RAD50: variants seen among roughly 807,000 people sequenced by gnomAD.
The protein encoded by RAD50 is RAD50 double strand break repair protein.
A neutral mutation model predicts 168.8 loss-of-function variants in RAD50; 132 were observed. The observed-to-expected ratio is 0.78, with a 90% CI of 0.68 to 0.90. The LOEUF (loss-of-function observed/expected upper bound fraction) is 0.90, where lower values mean the gene tolerates loss of function less well. Among genes scored for constraint, RAD50 ranks in the 40% least tolerant of loss-of-function variants. The pLI, the probability that RAD50 is intolerant of heterozygous loss-of-function variation, is 0.00. For synonymous variants in RAD50, 525 were observed against 497.4 expected, an observed-to-expected ratio of 1.06 and a Z score of -0.74; for missense variants, 1,347 against 1,534.4, an observed-to-expected ratio of 0.88 and a Z score of 2.04.
chr5:132,625,025 G>A (rs988204656), intron 21 of RAD50, among the ~76,000 whole-genome samples: 9 of 151,744 alleles, frequency 5.9e-5, no homozygotes, highest in African/African-American at 2.2e-4. Flanking sequence ...AAAAGCCTCA[G>A]AAGTCCATAA....
chr5:132,601,810 A>G (rs985639060), intron 13 of RAD50, among the ~76,000 whole-genome samples: 2 of 152,198 alleles, frequency 1.3e-5, no homozygotes, highest in African/African-American at 4.8e-5. Flanking sequence ...TAAAAGGATG[A>G]GTTCATGTCC....
intron 11 of RAD50, chr5:132,593,236 T>C (rs937333641): frequency 1.7e-5 from 3 of 176,552 alleles, no homozygotes; most frequent in Non-Finnish European, 2.5e-5. Context: ...TGATACTTGT[T>C]CTTGCTTCAG....
intron 9 of RAD50, among the ~76,000 whole-genome samples, chr5:132,590,448 TG>T (rs1317946758): frequency 6.6e-6 from 1 of 152,154 alleles, no homozygotes; most frequent in African/African-American, 2.4e-5. Context: ...CCAGCCTGGG[TG>T]ACAGAGTGGG....
intron 21 of RAD50, among the ~76,000 whole-genome samples, chr5:132,629,995 TCTA>T (rs1751434687): frequency 6.6e-6 from 1 of 152,154 alleles, no homozygotes; most frequent in African/African-American, 2.4e-5. Context: ...CCCAAAATGT[TCTA>T]CTCTCATTTT....
chr5:132,603,629 A>C lies in RAD50; in HGVS notation c.2397+140A>C. 3.0e-6 allele frequency: 3 copies of C among 989,606 alleles called. No homozygotes were observed. In the South Asian group the frequency reaches 4.1e-5, roughly 14 times the overall value. The allele number at this position is 989,606 out of a possible 1,614,324, so 61.3% of individuals were successfully genotyped here. ...CCCATCCTGAATTTCAGATACCCTC[A>C]GGGAGAAACTGCTTAGTTTACATCC... On this transcript the variant is annotated intron_variant, in intron 14 of 24. Transcript: ENST00000378823.
At chr5:132,601,771 A>C (rs1236296818) in intron 13 of RAD50, among the ~76,000 whole-genome samples, 1 of 152,208 alleles carries the variant, frequency 6.6e-6, no homozygotes, top group Non-Finnish European at 1.5e-5. Flanking sequence ...TGTGGCACAT[A>C]TACACCATGG....
chr5:132,580,217 C>G (rs1750482216), intron 5 of RAD50, 151 bp downstream of exon 5: 1 of 657,102 alleles, frequency 1.5e-6, no homozygotes, highest in African/African-American at 1.8e-5. Flanking sequence ...CACTTAAAAT[C>G]TACTCTCTTA....
rs1403966891 is a variant in RAD50, at chr5:132,604,871, A to C, written c.2590A>C (p.Lys864Gln). Reference protein sequence around the residue: ...QDQQEQIQHLKSTTNELKSEK... With the variant: ...QDQQEQIQHLQSTTNELKSEK... ...CCAGCAGGAACAGATTCAACATCTAAAAAGTACAACAAATGAGCTAAAATC... is the reference window on the plus strand; with the variant it reads ...CCAGCAGGAACAGATTCAACATCTACAAAGTACAACAAATGAGCTAAAATC... Residue 864 changes from lysine (K) to glutamine (Q), a missense_variant, in exon 16 of 25, where the codon AAA becomes CAA. Around this residue, in one of 3 missense-constraint regions of RAD50, gnomAD observed 635 missense variants for 739.2 expected, o/e 0.86. Coordinates refer to ENST00000378823, the MANE Select transcript of RAD50 (RefSeq NM_005732.4). 6.2e-7 allele frequency: 1 copy of C among 1,613,704 alleles called. No individual in the cohort carries two copies. The highest frequency in any genetic ancestry group is 8.5e-7 in the Non-Finnish European group (1 of 1,179,764).
chr5:132,586,970 C>T (rs1181685532), intron 5 of RAD50, among the ~76,000 whole-genome samples: 2 of 152,144 alleles, frequency 1.3e-5, no homozygotes, highest in Non-Finnish European at 2.9e-5. Flanking sequence ...AGAATATCCC[C>T]AGCATCATCC....
At chr5:132,608,853 T>C in intron 17 of RAD50, 128 bp downstream of exon 17, 1 of 1,405,720 alleles carries the variant, frequency 7.1e-7, no homozygotes, top group Non-Finnish European at 9.4e-7. Context: ...AGATTCATGG[T>C]ATAATTTTGA....
intron 13 of RAD50, among the ~76,000 whole-genome samples, chr5:132,598,640 C>T (rs755979756): frequency 1.6e-4 from 25 of 152,208 alleles, no homozygotes; most frequent in Non-Finnish European, 2.9e-4. Flanking sequence ...TGATGGCTCA[C>T]ATGACTGACA....
chr5:132,641,968 A>G, intron 24 of RAD50: 1 of 582,716 alleles, frequency 1.7e-6, no homozygotes, highest in Non-Finnish European at 3.0e-6. Flanking sequence ...GTGAGGAGTC[A>G]GGCCATGTGT....
rs745888910 is a variant in RAD50 at position 132,641,580 on chromosome 5, G to C, written c.3753-598G>C. Among the ~76,000 whole-genome samples the C allele has an allele frequency of 6.3e-4, 96 of 152,108 alleles. 1 individual carries two copies. The highest frequency in any genetic ancestry group is 1.1e-3 in the Non-Finnish European group (72 of 68,006). ...GAAGGGGATAAGTGGCTAGCTAAAA[G>C]AAAAAGTCTTTCAGGTTTCAGTCAC... is the stretch of plus-strand genomic sequence containing the variant. On this transcript the variant is annotated intron_variant, in intron 24 of 24. Transcript: ENST00000378823.
At position 132,646,092 on chromosome 5, in the gene RAD50, C is replaced by CAAAAAAAAAAAAAAAAAAAAAAA. The variant is rs757145249; in HGVS notation, c.*3749_*3750insAAAAAAAAAAAAAAAAAAAAAAA. 5.2e-5 allele frequency: 4 copies of CAAAAAAAAAAAAAAAAAAAAAAA among 77,136 alleles called. No homozygotes were observed. Among genetic ancestry groups the CAAAAAAAAAAAAAAAAAAAAAAA allele is most frequent in the African/African-American group, 1.8e-4 (4 of 22,124 alleles). 4.8% of individuals were successfully genotyped at this position (77,136 alleles called of 1,614,324 possible). The stretch of plus-strand genomic sequence containing the variant: ...CAGAGTGAGACCCTGTCTAAAAAGA[C>CAAAAAAAAAAAAAAAAAAAAAAA]AAAAAAAAAAAAAAAAAAAAAGCAG... On this transcript the variant is annotated 3_prime_UTR_variant, in exon 25 of 25. Transcript: ENST00000378823.
At chr5:132,597,283 G>A (rs993220424) in intron 13 of RAD50, among the ~76,000 whole-genome samples, 13 of 152,144 alleles carry the variant, frequency 8.5e-5, no homozygotes, top group African/African-American at 2.2e-4. Context: ...ATGGTCCCTA[G>A]TAATCTCGGC....
chr5:132,567,977 TGTG>T (rs1299995857), intron 2 of RAD50, among the ~76,000 whole-genome samples: 3 of 152,026 alleles, frequency 2.0e-5, no homozygotes, highest in African/African-American at 7.2e-5. Context: ...CAAAAGAAAA[TGTG>T]GTCTATACCT....
intron 2 of RAD50, among the ~76,000 whole-genome samples, chr5:132,563,675 A>G (rs1365617585): frequency 2.0e-5 from 3 of 152,164 alleles, no homozygotes; most frequent in African/African-American, 7.2e-5. Flanking sequence ...GCATTTATCC[A>G]TGGTTGGGGA....
At chr5:132,586,416 G>C (rs1338695142) in intron 5 of RAD50, among the ~76,000 whole-genome samples, 1 of 152,138 alleles carries the variant, frequency 6.6e-6, no homozygotes, top group African/African-American at 2.4e-5. Context: ...TTCAATCAGT[G>C]ATACCTGTGA....
In RAD50 at chr5:132,642,780, G is replaced by C; in HGVS notation, c.*416G>C. 2.8e-6 allele frequency: 1 copy of C among 352,010 alleles called. No homozygotes were observed. Among genetic ancestry groups the C allele is most frequent in the Non-Finnish European group, 5.5e-6 (1 of 182,102 alleles). 21.8% of individuals were successfully genotyped at this position (352,010 alleles called of 1,614,324 possible). On this transcript the variant is annotated 3_prime_UTR_variant, in exon 25 of 25. Transcript: ENST00000378823. Reference sequence around the variant, plus strand: ...TACCTCTGAATTTACTTCCTTGCATGTGGTTTGAAAAACTGAGTATTAATA... The same window carrying C: ...TACCTCTGAATTTACTTCCTTGCATCTGGTTTGAAAAACTGAGTATTAATA...
Sources: gnomAD v4.1 joint callset for allele counts (sites outside exome capture counted in the v4.1 genomes callset) on GRCh38, gnomAD v4.1.1 for gene constraint, gnomAD v4.1.1 regional missense constraint, MANE v1.5 for transcripts, NCBI Gene and HGNC (gene_info 2026-07-23, HGNC 2026-07-21) for gene names.